The following CPQ variants were observed in gnomAD, a reference collection of about 807,000 sequenced individuals.
CPQ encodes carboxypeptidase Q.
In CPQ, 37 loss-of-function variants were observed where a neutral mutation model predicts 45.7. The ratio of observed to expected loss-of-function variants is 0.81; its 90% CI spans 0.62 to 1.07. CPQ has a LOEUF of 1.07. Ranked by LOEUF, CPQ falls within the 50% of genes least tolerant of loss-of-function variation. The pLI is 0.00. For synonymous variants in CPQ, 186 were observed against 205.8 expected (o/e 0.90, Z 0.82); for missense variants, 537 against 572.9 (o/e 0.94, Z 0.64).
At chr8:96,659,285 G>T (rs2130710576) in intron 1 of CPQ, 1 of 152,190 alleles carries the variant, frequency 6.6e-6, no homozygotes, top group Admixed American at 6.5e-5. Context: ...CCATTTCAGA[G>T]TTCCTACCAT....
intron 4 of CPQ, among the ~76,000 whole-genome samples, chr8:96,945,013 CA>C (rs1466808644): frequency 6.6e-6 from 1 of 152,172 alleles, no homozygotes; most frequent in East Asian, 1.9e-4. Flanking sequence ...AAGTTCTCTT[CA>C]GTGTCCCCAG....
intron 4 of CPQ, among the ~76,000 whole-genome samples, chr8:96,890,589 A>G (rs555314629): frequency 6.6e-6 from 1 of 152,164 alleles, no homozygotes; most frequent in Non-Finnish European, 1.5e-5. Flanking sequence ...TACCTCCATT[A>G]TGGGATAATA....
chr8:96,832,040 A>G (rs1279233827), intron 2 of CPQ, among the ~76,000 whole-genome samples: 1 of 151,998 alleles, frequency 6.6e-6, no homozygotes. Flanking sequence ...TAGTTATTTT[A>G]TATGTTTCTG....
chr8:96,990,009 A>C lies in CPQ; in HGVS notation c.961+23963A>C, dbSNP rs139973344. On this transcript the variant is annotated intron_variant, in intron 5 of 7. Coordinates refer to ENST00000220763, the MANE Select transcript of CPQ (RefSeq NM_016134.4). ...CAAAATCCCGTGTCTCTCCAGACACATCTTCTCTTGCACCAAATGGGCCTC... is the reference window on the plus strand; with the variant it reads ...CAAAATCCCGTGTCTCTCCAGACACCTCTTCTCTTGCACCAAATGGGCCTC... 3.9e-3 allele frequency among the ~76,000 whole-genome samples: 595 copies of C among 152,150 alleles called. 1 individual carries two copies. The highest frequency in any genetic ancestry group is 0.014 in the African/African-American group (571 of 41,532).
chr8:96,949,862 C>T (rs931237753), intron 4 of CPQ, among the ~76,000 whole-genome samples: 2 of 152,094 alleles, frequency 1.3e-5, no homozygotes, highest in African/African-American at 4.8e-5. Flanking sequence ...GACTTACTCA[C>T]TGCTTGTGAT....
At chr8:96,840,706 T>C (rs1251095845) in intron 3 of CPQ, among the ~76,000 whole-genome samples, 1 of 152,076 alleles carries the variant, frequency 6.6e-6, no homozygotes, top group Non-Finnish European at 1.5e-5. Flanking sequence ...ATGATGGCAA[T>C]TGGAATGGAA....
At chr8:96,955,383 G>A (rs1221887282) in intron 4 of CPQ, among the ~76,000 whole-genome samples, 2 of 152,094 alleles carry the variant, frequency 1.3e-5, no homozygotes, top group Non-Finnish European at 2.9e-5. Flanking sequence ...TCTTTTGGCT[G>A]CATAAATGTC....
chr8:96,667,996 C>A (rs574930613), intron 1 of CPQ, among the ~76,000 whole-genome samples: 46 of 152,126 alleles, frequency 3.0e-4, no homozygotes, highest in Non-Finnish European at 4.7e-4. Context: ...CAGTTCTGGG[C>A]ATAAATTTAA....
chr8:96,876,458 C>A (rs1812146352), intron 3 of CPQ, among the ~76,000 whole-genome samples: 2 of 151,886 alleles, frequency 1.3e-5, no homozygotes, highest in South Asian at 4.2e-4. Context: ...TTAGAATCTC[C>A]AGTAAAATGT....
intron 1 of CPQ, among the ~76,000 whole-genome samples, chr8:96,678,941 T>C (rs937373309): frequency 6.6e-6 from 1 of 152,122 alleles, no homozygotes; most frequent in African/African-American, 2.4e-5. Context: ...GTTTGTCTAT[T>C]TTTGTTTTTG....
chr8:96,932,123 G>T (rs1372442727), intron 4 of CPQ, among the ~76,000 whole-genome samples: 2 of 152,078 alleles, frequency 1.3e-5, no homozygotes, highest in African/African-American at 4.8e-5. Context: ...TCACTACCCA[G>T]ATTGAACGGT....
At chr8:97,072,514 G>A (rs1230217598) in intron 7 of CPQ, among the ~76,000 whole-genome samples, 3 of 152,032 alleles carry the variant, frequency 2.0e-5, no homozygotes, top group African/African-American at 4.8e-5. Context: ...AGAAATCGGG[G>A]CATCCAAATC....
intron 7 of CPQ, among the ~76,000 whole-genome samples, chr8:97,108,929 G>C (rs1266352325): frequency 6.6e-6 from 1 of 152,126 alleles, no homozygotes; most frequent in Admixed American, 6.6e-5. Context: ...GATCCTTAGT[G>C]ACTCCAACGT....
rs756256050 is a variant in CPQ, at chr8:97,029,479, T to C, written c.1038T>C (p.Tyr346=). The change falls in exon 6 of 8, where the codon TAT becomes TAC. Residue 346 remains tyrosine (Y), a synonymous_variant. Transcript: ENST00000220763. ...AAGGTGGAGTTGGTGCCTTCCAGTA[T>C]TATCAGTTACACAAGGTAAAAACCC... ...EEQGGVGAFQ[Y]YQLHKVNISN... 5.6e-6 allele frequency: 9 copies of C among 1,604,962 alleles called. No individual in the cohort carries two copies. Among genetic ancestry groups the C allele is most frequent in the Non-Finnish European group, 6.0e-6 (7 of 1,175,044 alleles).
At chr8:96,824,068 T>C (rs1292650335) in intron 2 of CPQ, among the ~76,000 whole-genome samples, 2 of 152,086 alleles carry the variant, frequency 1.3e-5, no homozygotes, top group Non-Finnish European at 2.9e-5. Flanking sequence ...TTAGTGGAGA[T>C]GGCCTCTAAA....
chr8:97,016,741 A>G (rs948024750), intron 5 of CPQ, among the ~76,000 whole-genome samples: 2 of 152,222 alleles, frequency 1.3e-5, no homozygotes, highest in Admixed American at 6.5e-5. Flanking sequence ...AGTTTCCTAG[A>G]TGGAAAAGGT....
intron 3 of CPQ, among the ~76,000 whole-genome samples, chr8:96,854,354 A>G (rs1270096123): frequency 1.3e-5 from 2 of 150,118 alleles, no homozygotes; most frequent in African/African-American, 4.9e-5. Context: ...AAACGGTGAA[A>G]CCCCGTCTCT....
chr8:96,648,961 A>G (rs191954161), intron 1 of CPQ, among the ~76,000 whole-genome samples: 79 of 152,290 alleles, frequency 5.2e-4, no homozygotes, highest in African/African-American at 1.9e-3. Flanking sequence ...CACAGTCTAG[A>G]TAATCCTTTT....
intron 2 of CPQ, among the ~76,000 whole-genome samples, chr8:96,829,275 C>T (rs1319641782): frequency 1.3e-5 from 2 of 152,054 alleles, no homozygotes; most frequent in Non-Finnish European, 2.9e-5. Flanking sequence ...ACAAGGCCAA[C>T]AGAGCAGGTC....
Sources: allele counts gnomAD v4.1 joint callset (sites outside exome capture counted in the v4.1 genomes callset), GRCh38; gene constraint gnomAD v4.1.1; transcripts MANE v1.5; gene names NCBI Gene and HGNC (gene_info 2026-07-23, HGNC 2026-07-21).